Variants in SETD5 observed in about 807,000 individuals in gnomAD.
SETD5 encodes the protein histone-lysine N-methyltransferase SETD5.
In SETD5, 44 loss-of-function variants were observed where a neutral mutation model predicts 153.3. The ratio of observed to expected loss-of-function variants is 0.29; its 90% CI spans 0.23 to 0.37. The LOEUF is 0.37. Ranked by LOEUF, SETD5 falls within the 10% of genes least tolerant of loss-of-function variation. The pLI, the probability that SETD5 is intolerant of heterozygous loss-of-function variation, is 1.00. For synonymous variants in SETD5, 716 were observed against 645.2 expected (o/e 1.11, Z -1.66); for missense variants, 1,544 against 1,768.0 (o/e 0.87, Z 2.27).
Position 9,447,875 on chromosome 3 carries a change from A to G in SETD5, c.1972A>G (p.Thr658Ala), listed in dbSNP as rs1244281585. The G allele has an allele frequency of 6.2e-7, 1 of 1,613,928 alleles. No homozygotes were observed. Among genetic ancestry groups the G allele is most frequent in the Non-Finnish European group, 8.5e-7 (1 of 1,179,870 alleles). ...AGAGGGAGGAAGTAACAGTTTAGTA[A>G]CTCCTACTGAAGCTGGAAGTCTAGA... ...LEEGGSNSLV[T>A]PTEAGSLDSS... Residue 658 changes from threonine (T) to alanine (A), a missense_variant, in exon 15 of 23, where the codon ACT becomes GCT. Transcript: ENST00000402198.
chr3:9,420,867 C>G (rs972689863), intron 1 of SETD5, among the ~76,000 whole-genome samples: 2 of 149,462 alleles, frequency 1.3e-5, no homozygotes, highest in African/African-American at 5.0e-5. Flanking sequence ...TTTTTTCTTT[C>G]CACATTATCT....
intron 1 of SETD5, among the ~76,000 whole-genome samples, chr3:9,417,586 C>T (rs1481993236): frequency 6.6e-6 from 1 of 151,498 alleles, no homozygotes; most frequent in Non-Finnish European, 1.5e-5. Flanking sequence ...CCCGGGTTCA[C>T]GCCATTCTCC....
intron 1 of SETD5, among the ~76,000 whole-genome samples, chr3:9,408,238 C>G (rs533389005): frequency 6.6e-6 from 1 of 152,282 alleles, no homozygotes; most frequent in South Asian, 2.1e-4. Flanking sequence ...CTGGAGTCTC[C>G]TGTGCTGCGA....
At chr3:9,406,005 G>C (rs543477481) in intron 1 of SETD5, among the ~76,000 whole-genome samples, 2 of 152,262 alleles carry the variant, frequency 1.3e-5, no homozygotes, top group East Asian at 3.9e-4. Flanking sequence ...ATCCAAGGAA[G>C]GTTTTACTTA....
chr3:9,433,259 A>G, intron 3 of SETD5: 2 of 661,470 alleles, frequency 3.0e-6, no homozygotes, highest in Non-Finnish European at 4.5e-6. Flanking sequence ...CTTGCATGTC[A>G]TTGGTGGATG....
At chr3:9,466,469 A>G (rs1436879143) in intron 18 of SETD5, among the ~76,000 whole-genome samples, 1 of 152,082 alleles carries the variant, frequency 6.6e-6, no homozygotes, top group Non-Finnish European at 1.5e-5. Flanking sequence ...CATTTTAATA[A>G]TACAGTCCAT....
At chr3:9,472,332 G>A (rs3872707) in intron 19 of SETD5, among the ~76,000 whole-genome samples, 27,937 of 152,060 alleles carry the variant, frequency 0.18, 3,022 homozygotes, top group African/African-American at 0.29. Context: ...AGCAATCAAG[G>A]CATGGTAATA....
Position 9,403,819 on chromosome 3 carries a change from G to C in SETD5, c.-177+5842G>C, listed in dbSNP as rs182918195. On this transcript the variant is annotated intron_variant, in intron 1 of 22. Coordinates refer to ENST00000402198, the MANE Select transcript of SETD5 (RefSeq NM_001080517.3). The stretch of plus-strand genomic sequence containing the variant: ...AACCAAAATCATAATGAAATATTTT[G>C]AAATTTGGGTCCCTATTGAAGTTTT... 4.6e-5 allele frequency among the ~76,000 whole-genome samples: 7 copies of C among 152,304 alleles called. No homozygotes were observed. The East Asian group carries it at 1.3e-3, about 29-fold the overall frequency.
chr3:9,445,965 G>GGTTTTTTTTTTTTTTTTTTTTTTT (rs2041907619), intron 13 of SETD5, among the ~76,000 whole-genome samples: 1 of 86,476 alleles, frequency 1.2e-5, no homozygotes, highest in African/African-American at 4.7e-5. Flanking sequence ...TGAAGAGGTT[G>GGTTTTTTTTTTTTTTTTTTTTTTT]TTTTTTTTTT....
intron 17 of SETD5, among the ~76,000 whole-genome samples, chr3:9,455,992 C>T (rs561670120): frequency 9.9e-5 from 15 of 151,828 alleles, no homozygotes; most frequent in African/African-American, 3.4e-4. Context: ...CAGTCAAATG[C>T]GCAAGTTATA....
intron 10 of SETD5, chr3:9,442,778 C>T (rs2041454862): frequency 5.9e-6 from 1 of 168,436 alleles, no homozygotes. Context: ...TGGCTCATGC[C>T]TGTAATCCCA....
chr3:9,444,545 T>C (rs187680945), intron 11 of SETD5, among the ~76,000 whole-genome samples: 2 of 152,040 alleles, frequency 1.3e-5, no homozygotes, highest in East Asian at 3.9e-4. Context: ...TTCTTTTTTT[T>C]TTCCCACTGA....
At chr3:9,399,015 C>T (rs528980555) in intron 1 of SETD5, among the ~76,000 whole-genome samples, 63 of 152,296 alleles carry the variant, frequency 4.1e-4, no homozygotes, top group African/African-American at 1.4e-3. Context: ...TCCCAGACCT[C>T]TGGGTTCCAC....
Position 9,476,193 on chromosome 3 carries a change from AC to A in SETD5, c.*103del, listed in dbSNP as rs1341472048. The A allele has an allele frequency of 2.1e-6, 3 of 1,441,666 alleles. No homozygotes were observed. The Admixed American group carries it at 7.5e-5, about 36-fold the overall frequency. The allele number at this position is 1,441,666 out of a possible 1,614,324, so 89.3% of individuals were successfully genotyped here. ...AGCATATTGCTGAGGAACGGGGGGT[AC>A]AAGGTGCCAGAGGATTGGGTCTGGT... is the stretch of plus-strand genomic sequence containing the variant. On this transcript the variant is annotated 3_prime_UTR_variant, in exon 23 of 23. Transcript: ENST00000402198.
chr3:9,433,254 A>T lies in SETD5; in HGVS notation c.72-591A>T. Reference sequence around the variant, plus strand: ...ATAATTTTGTCCTTAATATGCTTGCATGTCATTGGTGGATGAGAAATTATT... The same window carrying T: ...ATAATTTTGTCCTTAATATGCTTGCTTGTCATTGGTGGATGAGAAATTATT... On this transcript the variant is annotated intron_variant, in intron 3 of 22. Transcript: ENST00000402198. 6 of 610,696 alleles carry T rather than the reference A, an allele frequency of 9.8e-6. No homozygotes were observed. In the South Asian group the frequency reaches 1.1e-4, roughly 11 times the overall value. 37.8% of individuals were successfully genotyped at this position (610,696 alleles called of 1,614,324 possible).
chr3:9,409,525 A>G (rs1559351976), intron 1 of SETD5, among the ~76,000 whole-genome samples: 1 of 152,122 alleles, frequency 6.6e-6, no homozygotes, highest in African/African-American at 2.4e-5. Flanking sequence ...TTCATTCTTA[A>G]TACTTTCCTC....
intron 7 of SETD5, chr3:9,436,736 AAGG>A (rs2040614681): frequency 1.2e-6 from 1 of 848,406 alleles, no homozygotes; most frequent in African/African-American, 1.7e-5. Flanking sequence ...TACCTAGAGA[AAGG>A]GGGACAGAAT....
In SETD5 at chr3:9,447,162, C is replaced by T. The variant is rs1488313790; in HGVS notation, c.1637C>T (p.Thr546Ile). Residue 546 changes from threonine to isoleucine, a missense_variant, in exon 14 of 23, where the codon ACT becomes ATT. Coordinates refer to ENST00000402198, the MANE Select transcript of SETD5 (RefSeq NM_001080517.3). ...CAGAGCAACTCTGATGTAGAGATTA[C>T]TACAACCACCTCAGAGACTCCTGTT... ...LEQSNSDVEI[T>I]TTTSETPVGE... The T allele has an allele frequency of 1.2e-6, 2 of 1,613,978 alleles. No homozygotes were observed. Among genetic ancestry groups the T allele is most frequent in the Non-Finnish European group, 1.7e-6 (2 of 1,179,890 alleles).
At position 9,433,076 on chromosome 3, in the gene SETD5, T is replaced by C. The variant is rs188441710; in HGVS notation, c.72-769T>C. Among the ~76,000 whole-genome samples the C allele has an allele frequency of 2.0e-5, 3 of 152,338 alleles. No individual in the cohort carries two copies. In the East Asian group the frequency reaches 5.8e-4, roughly 29 times the overall value. On this transcript the variant is annotated intron_variant, in intron 3 of 22. Coordinates refer to ENST00000402198, the MANE Select transcript of SETD5 (RefSeq NM_001080517.3). ...TACCATGTTTAGTGGTTGCTGAAAT[T>C]AAATGAATTAATATGTATTTAAAGC...
Sources: allele counts gnomAD v4.1 joint callset (sites outside exome capture counted in the v4.1 genomes callset), GRCh38; gene constraint gnomAD v4.1.1; transcripts MANE v1.5; gene names NCBI Gene and HGNC (gene_info 2026-07-23, HGNC 2026-07-21).